Variants in LRPPRC observed in about 807,000 individuals in gnomAD.
LRPPRC encodes the protein leucine-rich PPR motif-containing protein, mitochondrial.
A neutral mutation model predicts 180.3 loss-of-function variants in LRPPRC; 120 were observed. The ratio of observed to expected loss-of-function variants is 0.67; its 90% confidence interval spans 0.57 to 0.77. The LOEUF (loss-of-function observed/expected upper bound fraction) is 0.77. LRPPRC is among the 30% of genes least tolerant of loss of function. The probability of loss-of-function intolerance (pLI) is 0.00; values close to 1 mark genes in which losing one functional copy is unlikely to be tolerated. For synonymous variants in LRPPRC, 723 were observed against 600.0 expected, an observed-to-expected ratio of 1.21 and a Z score of -3.00; for missense variants, 2,012 against 1,657.2, an observed-to-expected ratio of 1.21 and a Z score of -3.72.
At chr2:43,890,041 C>T (rs975573842) in intron 36 of LRPPRC, among the ~76,000 whole-genome samples, 165 bp from the exon 37 acceptor site, 4 of 152,228 alleles carry the variant, frequency 2.6e-5, no homozygotes, top group Admixed American at 2.0e-4. Context: ...ATCTCCCTCA[C>T]TTCTCTACAT....
At chr2:43,980,754 C>T (rs1005516461) in intron 2 of LRPPRC, among the ~76,000 whole-genome samples, 5 of 152,178 alleles carry the variant, frequency 3.3e-5, no homozygotes, top group East Asian at 3.9e-4. Flanking sequence ...AAAAATAAAC[C>T]ACTTAGTATG....
intron 9 of LRPPRC, 118 bp downstream of exon 9, chr2:43,974,032 C>A (rs1188145017): frequency 4.1e-6 from 5 of 1,225,042 alleles, no homozygotes; most frequent in East Asian, 2.3e-5. Flanking sequence ...AATCTTGCAA[C>A]ACAAGAACAT....
At position 43,918,491 on chromosome 2, in the gene LRPPRC, A is replaced by G; in HGVS notation, c.2897-93T>C. 9.1e-6 allele frequency: 9 copies of G among 989,394 alleles called. No individual in the cohort carries two copies. In the South Asian group the frequency reaches 1.2e-4, roughly 14 times the overall value. The allele number at this position is 989,394 out of a possible 1,614,324, so 61.3% of individuals were successfully genotyped here. A position where few individuals can be genotyped will look rare whatever the true frequency, so the allele number is the denominator to read the frequency against. On this transcript the variant is annotated intron_variant, in intron 27 of 37. Coordinates refer to ENST00000260665, the MANE Select transcript of LRPPRC (RefSeq NM_133259.4). ...AACTTTTTCTTATTTGATGTTGAAG[A>G]AAGCATTATTCCAAATGCTGCCTTT...
chr2:43,994,769 T>G (rs1674945666), intron 1 of LRPPRC, among the ~76,000 whole-genome samples: 1 of 152,190 alleles, frequency 6.6e-6, no homozygotes, highest in African/African-American at 2.4e-5. Context: ...AATAACCAAA[T>G]GAACACTTTC....
At chr2:43,945,546 G>C (rs1672650905) in intron 21 of LRPPRC, 129 bp from the exon 22 acceptor site, 2 of 686,022 alleles carry the variant, frequency 2.9e-6, no homozygotes, top group South Asian at 3.1e-5. Context: ...CTACGCTTCA[G>C]TTAGGATTTC....
intron 8 of LRPPRC, 71 bp downstream of exon 8, chr2:43,974,543 C>G: frequency 8.9e-7 from 1 of 1,129,458 alleles, no homozygotes; most frequent in Non-Finnish European, 1.3e-6. Flanking sequence ...TAGAAAATGT[C>G]CTTTCCATCA....
chr2:43,946,455 T>A (rs987523551), intron 20 of LRPPRC, among the ~76,000 whole-genome samples: 4 of 152,054 alleles, frequency 2.6e-5, no homozygotes, highest in Non-Finnish European at 5.9e-5. Flanking sequence ...AGATGTGTTA[T>A]CTGTAATATA....
At chr2:43,891,754 A>T (rs917043304) in intron 36 of LRPPRC, among the ~76,000 whole-genome samples, 1 of 152,236 alleles carries the variant, frequency 6.6e-6, no homozygotes, top group African/African-American at 2.4e-5. Flanking sequence ...TACATCTCTC[A>T]TTTAAATCAG....
rs1670296529 is a variant in LRPPRC at position 43,887,143 on chromosome 2, C to CAGAAAAAAAAAAA, written c.*1456_*1457insTTTTTTTTTTTCT. ...CTTAAGCAACAGAGCAAGACTATCT[C>CAGAAAAAAAAAAA]AAAAAAAAAAAAAAAAAAAAAGATG... On this transcript the variant is annotated 3_prime_UTR_variant, in exon 38 of 38. Transcript: ENST00000260665. 1.4e-5 allele frequency: 1 copy of CAGAAAAAAAAAAA among 73,206 alleles called. No homozygotes were observed. The highest frequency in any genetic ancestry group is 2.7e-5 in the Non-Finnish European group (1 of 37,678). 4.5% of individuals were successfully genotyped at this position (73,206 alleles called of 1,614,324 possible).
chr2:43,946,239 A>G lies in LRPPRC; in HGVS notation c.2084T>C (p.Met695Thr), dbSNP rs753483438. 1.9e-6 allele frequency: 3 copies of G among 1,609,774 alleles called. No homozygotes were observed. The highest frequency in any genetic ancestry group is 1.7e-5 in the Admixed American group (1 of 59,932). ...LILVLCSEEN[M>T]QKALELKAKY... ...TGCTTTCAATTCAAGGGCTTTTTGC[A>G]TATTCTAAAATACAGCATAGATGTG... The change falls in exon 21 of 38, where the codon ATG (methionine) becomes ACG (threonine). Residue 695 changes from methionine to threonine, a missense_variant. By Grantham distance (81) the Met-to-Thr change is moderately conservative. Coordinates refer to ENST00000260665, the MANE Select transcript of LRPPRC (RefSeq NM_133259.4).
At chr2:43,987,058 G>C (rs1055286139) in intron 1 of LRPPRC, among the ~76,000 whole-genome samples, 2 of 152,110 alleles carry the variant, frequency 1.3e-5, no homozygotes, top group African/African-American at 4.8e-5. Context: ...GGATCACGTG[G>C]ATTGATTTTC....
At chr2:43,949,889 T>C (rs1672833480) in intron 15 of LRPPRC, among the ~76,000 whole-genome samples, 1 of 152,250 alleles carries the variant, frequency 6.6e-6, no homozygotes, top group Admixed American at 6.5e-5. Context: ...TGCAATGTTT[T>C]GTGAAATGTC....
At chr2:43,912,890 G>A (rs576414463) in intron 29 of LRPPRC, among the ~76,000 whole-genome samples, 2 of 152,224 alleles carry the variant, frequency 1.3e-5, no homozygotes, top group Admixed American at 6.5e-5. Context: ...ATGAAAAGAC[G>A]ATACTAGTTT....
chr2:43,979,768 T>C lies in LRPPRC; in HGVS notation c.469+58A>G. 9 of 1,511,070 alleles carry C rather than the reference T, an allele frequency of 6.0e-6. No homozygotes were observed. In the South Asian group the frequency reaches 9.1e-5, roughly 15 times the overall value. 93.6% of individuals were successfully genotyped at this position (1,511,070 alleles called of 1,614,324 possible). ...GCATTTATGTAAACAAACACTTTTTTGCAAAAAGAAAAAACATCTACACCT... is the reference window on the plus strand; with the variant it reads ...GCATTTATGTAAACAAACACTTTTTCGCAAAAAGAAAAAACATCTACACCT... On this transcript the variant is annotated intron_variant, in intron 3 of 37. Transcript: ENST00000260665.
In LRPPRC at chr2:43,934,218, T is replaced by C. The variant is rs371963586; in HGVS notation, c.2708A>G (p.Asn903Ser). 7.5e-6 allele frequency: 12 copies of C among 1,609,732 alleles called. No homozygotes were observed. In the African/African-American group the frequency reaches 1.3e-4, roughly 18 times the overall value. The change falls in exon 25 of 38, where the codon AAT (asparagine) becomes AGT (serine). Residue 903 changes from asparagine (N) to serine (S), a missense_variant. Transcript: ENST00000260665. ...DLFFAFLQTG[N>S]YKEAKKIIET... ...AATGATCTTCTTGGCCTCTTTGTAATTTCCTGTTTGTAGGAAGGCAAAGAA... is the reference window on the plus strand; with the variant it reads ...AATGATCTTCTTGGCCTCTTTGTAACTTCCTGTTTGTAGGAAGGCAAAGAA...
At chr2:43,974,495 T>C (rs1248318075) in intron 8 of LRPPRC, 119 bp downstream of exon 8, 4 of 853,304 alleles carry the variant, frequency 4.7e-6, no homozygotes, top group African/African-American at 1.7e-5. Context: ...TTAACTGACT[T>C]TAAGAGTTCT....
chr2:43,947,299 T>G lies in LRPPRC; in HGVS notation c.2037A>C (p.Arg679Ser). 1 of 1,604,862 alleles carries G rather than the reference T, an allele frequency of 6.2e-7. No individual in the cohort carries two copies. The highest frequency in any genetic ancestry group is 2.2e-5 in the East Asian group (1 of 44,706). The change falls in exon 20 of 38, where the codon AGA (arginine) becomes AGC (serine). Residue 679 changes from arginine to serine, a missense_variant. Arg to Ser is a moderately radical substitution (Grantham distance 110). Coordinates refer to ENST00000260665, the MANE Select transcript of LRPPRC (RefSeq NM_133259.4). ...CTAATATGAGTTGCTTTAGGACATCTCTTATAGGTTGATTTTCAGCTTTTA... is the reference window on the plus strand; with the variant it reads ...CTAATATGAGTTGCTTTAGGACATCGCTTATAGGTTGATTTTCAGCTTTTA... The part of the protein sequence containing the change: ...ETLKAENQPI[R>S]DVLKQLILVL...
At chr2:43,942,397 T>A (rs1295938955) in intron 23 of LRPPRC, among the ~76,000 whole-genome samples, 1 of 152,130 alleles carries the variant, frequency 6.6e-6, no homozygotes, top group Non-Finnish European at 1.5e-5. Flanking sequence ...AAGTTGGCTA[T>A]GAATATGATA....
chr2:43,970,407 G>C (rs888961216), intron 11 of LRPPRC, among the ~76,000 whole-genome samples: 10 of 152,258 alleles, frequency 6.6e-5, no homozygotes, highest in Admixed American at 3.3e-4. Flanking sequence ...AGTCAGATGG[G>C]GGGATAGAAG....
Sources: gnomAD v4.1 joint callset for allele counts (sites outside exome capture counted in the v4.1 genomes callset) on GRCh38, gnomAD v4.1.1 for gene constraint, MANE v1.5 for transcripts, NCBI Gene and HGNC (gene_info 2026-07-23, HGNC 2026-07-21) for gene names.